Variants in SYNE2 observed in about 807,000 individuals in gnomAD.
SYNE2 encodes spectrin repeat containing nuclear envelope protein 2.
In SYNE2, 431 loss-of-function variants were observed where a neutral mutation model predicts 856.3. The ratio of observed to expected loss-of-function variants is 0.50; its 90% CI spans 0.47 to 0.55. The LOEUF is 0.55. Ranked by LOEUF, SYNE2 falls within the 20% of genes least tolerant of loss-of-function variation. The probability of loss-of-function intolerance (pLI) is 0.00; values close to 1 mark genes in which losing one functional copy is unlikely to be tolerated. For synonymous variants in SYNE2, 2,923 were observed against 2,872.3 expected (o/e 1.02, Z -0.56); for missense variants, 8,129 against 8,023.2 (o/e 1.01, Z -0.50).
Position 64,129,882 on chromosome 14 carries a change from A to G in SYNE2, c.14120A>G (p.Gln4707Arg). Reference sequence around the variant, plus strand: ...CTTCATTTACCTTATGCTTTACTCCAGGAGGTTTACAAATTAGAGGTATGC... The same window carrying G: ...CTTCATTTACCTTATGCTTTACTCCGGGAGGTTTACAAATTAGAGGTATGC... ...ERLHLPYALL[Q>R]EVYKLEDVLD... is the part of the protein sequence containing the mutation. Residue 4707 changes from glutamine (Q) to arginine (R), a missense_variant, in exon 75 of 116, where the codon CAG becomes CGG. Physicochemically the swap from Gln to Arg is conservative, Grantham distance 43. Coordinates refer to ENST00000555002, the MANE Select transcript of SYNE2 (RefSeq NM_182914.3). 1.2e-6 allele frequency: 2 copies of G among 1,614,160 alleles called. No individual in the cohort carries two copies. Among genetic ancestry groups the G allele is most frequent in the Non-Finnish European group, 1.7e-6 (2 of 1,180,032 alleles).
At chr14:64,224,866 C>A in intron 114 of SYNE2, 133 bp from the exon 115 acceptor site, 1 of 828,704 alleles carries the variant, frequency 1.2e-6, no homozygotes, top group Non-Finnish European at 2.0e-6. Flanking sequence ...AATTGTATTA[C>A]TCTAGTCTCC....
At chr14:63,796,936 GGGTGT>G (rs1386446461) in intron 1 of SYNE2, among the ~76,000 whole-genome samples, 1 of 151,884 alleles carries the variant, frequency 6.6e-6, no homozygotes, top group Non-Finnish European at 1.5e-5. Flanking sequence ...AAAATTAGCC[GGGTGT>G]GGTGGCGTGC....
intron 48 of SYNE2, among the ~76,000 whole-genome samples, chr14:64,055,165 A>G (rs1435355799): frequency 3.3e-5 from 5 of 152,232 alleles, no homozygotes; most frequent in African/African-American, 1.2e-4. Context: ...TAGTTTAAAA[A>G]CATAAAAGGT....
chr14:63,948,804 A>ATGTGTGGGTGTG (rs1566885022), intron 6 of SYNE2, among the ~76,000 whole-genome samples: 1 of 110,870 alleles, frequency 9.0e-6, no homozygotes, highest in African/African-American at 3.4e-5. Flanking sequence ...ATATATATAT[A>ATGTGTGGGTGTG]TATATATATA....
intron 67 of SYNE2, 41 bp from the exon 68 acceptor site, chr14:64,120,886 T>G: frequency 6.2e-7 from 1 of 1,611,270 alleles, no homozygotes; most frequent in Non-Finnish European, 8.5e-7. Context: ...TGGAGTTTAT[T>G]TTTAAAAATA....
rs191837228 is a variant in SYNE2 at position 64,170,403 on chromosome 14, G to C, written c.17176G>C (p.Val5726Leu). ...LTDTSHLLSAVKGQERFSLYQ... is the reference protein window; with the variant it reads ...LTDTSHLLSALKGQERFSLYQ... Reference sequence around the variant, plus strand: ...TGACACCAGCCACCTGCTATCTGCAGTGAAGGGCCAGGAGCGCTTCAGCCT... The same window carrying C: ...TGACACCAGCCACCTGCTATCTGCACTGAAGGGCCAGGAGCGCTTCAGCCT... The change falls in exon 94 of 116, where the codon GTG becomes CTG. Residue 5726 changes from valine (V) to leucine (L), a missense_variant. By Grantham distance (32) the Val-to-Leu change is conservative. This residue lies in a region of SYNE2 where 5,410 missense variants were observed against 5,284.8 expected (regional missense o/e 1.02). Coordinates refer to ENST00000555002, the MANE Select transcript of SYNE2 (RefSeq NM_182914.3). 2.5e-6 allele frequency: 4 copies of C among 1,614,210 alleles called. No homozygotes were observed. The highest frequency in any genetic ancestry group is 1.1e-5 in the South Asian group (1 of 91,076).
chr14:63,812,749 C>A (rs541501334), intron 1 of SYNE2, among the ~76,000 whole-genome samples: 56 of 152,278 alleles, frequency 3.7e-4, no homozygotes, highest in Admixed American at 7.2e-4. Flanking sequence ...GGGTCCCTGA[C>A]TTCCTGCAAC....
chr14:63,810,811 T>A (rs1419386714), intron 1 of SYNE2, among the ~76,000 whole-genome samples: 1 of 152,222 alleles, frequency 6.6e-6, no homozygotes, highest in African/African-American at 2.4e-5. Flanking sequence ...GACTGATTCC[T>A]CCAGAATTCA....
intron 1 of SYNE2, among the ~76,000 whole-genome samples, chr14:63,886,656 T>C (rs1392738368): frequency 6.6e-6 from 1 of 152,172 alleles, no homozygotes; most frequent in Non-Finnish European, 1.5e-5. Flanking sequence ...TTTTAAATGA[T>C]ATGGACTATT....
chr14:64,098,567 G>A (rs1211344094), intron 62 of SYNE2, 180 bp from the exon 63 acceptor site: 1 of 670,278 alleles, frequency 1.5e-6, no homozygotes, highest in East Asian at 2.7e-5. Context: ...CCTAAGGTTT[G>A]ACTGACTCCG....
chr14:64,137,949 C>A lies in SYNE2; in HGVS notation c.14809C>A (p.His4937Asn). Residue 4937 changes from histidine to asparagine, a missense_variant, in exon 79 of 116, where the codon CAC (histidine) becomes AAC (asparagine). Around this residue, in one of 3 missense-constraint regions of SYNE2, gnomAD observed 5,410 missense variants for 5,284.8 expected, o/e 1.02. Coordinates refer to ENST00000555002, the MANE Select transcript of SYNE2 (RefSeq NM_182914.3). Reference sequence around the variant, plus strand: ...GAACAAGAAAATTGACCATGAGCTCCACAGGCTGCAAGCTCTTCTCAAGCA... The same window carrying A: ...GAACAAGAAAATTGACCATGAGCTCAACAGGCTGCAAGCTCTTCTCAAGCA... ...SLNKKIDHEL[H>N]RLQALLKHLL... is the part of the protein sequence containing the mutation. 6.2e-7 allele frequency: 1 copy of A among 1,614,084 alleles called. No homozygotes were observed. The highest frequency in any genetic ancestry group is 8.5e-7 in the Non-Finnish European group (1 of 1,179,992).
intron 1 of SYNE2, among the ~76,000 whole-genome samples, chr14:63,769,517 A>C (rs1886816751): frequency 6.6e-6 from 1 of 152,008 alleles, no homozygotes; most frequent in Non-Finnish European, 1.5e-5. Flanking sequence ...AATACAAAAA[A>C]ATTAGCTGGG....
intron 51 of SYNE2, among the ~76,000 whole-genome samples, chr14:64,069,658 T>C (rs2097388192): frequency 6.6e-6 from 1 of 152,222 alleles, no homozygotes; most frequent in South Asian, 2.1e-4. Flanking sequence ...GTCTCTTTTT[T>C]AGTGGTAGAG....
chr14:63,959,266 ATTCTTTTTTCTT>A (rs2096278228), intron 8 of SYNE2, among the ~76,000 whole-genome samples: 1 of 122,450 alleles, frequency 8.2e-6, no homozygotes, highest in East Asian at 2.4e-4. Flanking sequence ...TTACAGCCAT[ATTCTTTTTTCTT>A]TTCTTCTTCT....
intron 98 of SYNE2, 113 bp downstream of exon 98, chr14:64,188,821 GA>G: frequency 8.9e-7 from 1 of 1,129,472 alleles, no homozygotes; most frequent in Non-Finnish European, 1.3e-6. Context: ...TAGCATTTTA[GA>G]AATTTGAAGG....
Position 64,070,825 on chromosome 14 carries a change from A to C in SYNE2, c.10612A>C (p.Ile3538Leu). The C allele has an allele frequency of 6.2e-7, 1 of 1,614,236 alleles. No individual in the cohort carries two copies. The highest frequency in any genetic ancestry group is 8.5e-7 in the Non-Finnish European group (1 of 1,180,036). Residue 3538 changes from isoleucine (I) to leucine (L), a missense_variant, in exon 52 of 116, where the codon ATC becomes CTC. By Grantham distance (5) the Ile-to-Leu change is conservative. Coordinates refer to ENST00000555002, the MANE Select transcript of SYNE2 (RefSeq NM_182914.3). Reference protein sequence around the residue: ...LTLLLQRIRSIQNVPESSGAV... With the variant: ...LTLLLQRIRSLQNVPESSGAV... ...TCTACTTCTTCAGCGCATCAGAAGT[A>C]TCCAGAATGTTCCTGAAAGCTCAGG...
At chr14:63,790,788 G>C (rs1019129037) in intron 1 of SYNE2, among the ~76,000 whole-genome samples, 1 of 152,072 alleles carries the variant, frequency 6.6e-6, no homozygotes, top group Non-Finnish European at 1.5e-5. Context: ...ACAACACAAA[G>C]ATATAATAAC....
At chr14:63,964,172 T>C (rs2096359262) in intron 10 of SYNE2, among the ~76,000 whole-genome samples, 172 bp downstream of exon 10, 2 of 152,254 alleles carry the variant, frequency 1.3e-5, no homozygotes, top group African/African-American at 4.8e-5. Context: ...TGTGATTCAC[T>C]GGGTAGTCCT....
At chr14:63,983,342 G>A (rs1490600800) in intron 17 of SYNE2, among the ~76,000 whole-genome samples, 2 of 152,128 alleles carry the variant, frequency 1.3e-5, no homozygotes, top group East Asian at 1.9e-4. Flanking sequence ...TTCAGTTCTT[G>A]AATCTTTCTT....
Sources: gnomAD v4.1 joint callset for allele counts (sites outside exome capture counted in the v4.1 genomes callset) on GRCh38, gnomAD v4.1.1 for gene constraint, gnomAD v4.1.1 regional missense constraint, MANE v1.5 for transcripts, NCBI Gene and HGNC (gene_info 2026-07-23, HGNC 2026-07-21) for gene names.